The following MBNL1 variants were observed in gnomAD, a reference collection of about 807,000 sequenced individuals.
The protein encoded by MBNL1 is muscleblind like splicing regulator 1.
In MBNL1, 8 loss-of-function variants were observed where a neutral mutation model predicts 42.2. The ratio of observed to expected loss-of-function variants is 0.19; its 90% CI spans 0.11 to 0.34. MBNL1 has a LOEUF of 0.34. Ranked by LOEUF, MBNL1 falls within the 10% of genes least tolerant of loss-of-function variation. MBNL1 has a pLI of 1.00. For synonymous variants in MBNL1, 169 were observed against 173.9 expected (o/e 0.97, Z 0.22); for missense variants, 309 against 495.3 (o/e 0.62, Z 3.57).
At chr3:152,367,036 A>G (rs2096416219) in intron 2 of MBNL1, among the ~76,000 whole-genome samples, 1 of 152,104 alleles carries the variant, frequency 6.6e-6, no homozygotes, top group South Asian at 2.1e-4. Context: ...CGTAGTTTAC[A>G]TTTGGCTTTT....
At chr3:152,332,735 T>TGCGCGCGC (rs548290388) in intron 2 of MBNL1, among the ~76,000 whole-genome samples, 1 of 119,644 alleles carries the variant, frequency 8.4e-6, no homozygotes, top group Non-Finnish European at 1.8e-5. Flanking sequence ...TGTGTGTGTG[T>TGCGCGCGC]GTGTGCGCGC....
chr3:152,458,254 T>C (rs1737748100), intron 8 of MBNL1: 64 of 1,474,996 alleles, frequency 4.3e-5, no homozygotes, highest in Non-Finnish European at 6.1e-5. Flanking sequence ...TGCTGTAAAA[T>C]TGTGTAAAAA....
intron 4 of MBNL1, among the ~76,000 whole-genome samples, chr3:152,441,606 A>G (rs1333461275): frequency 6.6e-6 from 1 of 152,208 alleles, no homozygotes; most frequent in East Asian, 1.9e-4. Flanking sequence ...TCTTTTGATT[A>G]TTTAAAGTTT....
chr3:152,278,380 A>G (rs1441663695), intron 1 of MBNL1, among the ~76,000 whole-genome samples: 1 of 152,128 alleles, frequency 6.6e-6, no homozygotes, highest in Non-Finnish European at 1.5e-5. Context: ...AAAATCTTTG[A>G]TCCAGGAGTA....
chr3:152,367,311 A>C (rs1307803873), intron 2 of MBNL1, among the ~76,000 whole-genome samples: 1 of 151,924 alleles, frequency 6.6e-6, no homozygotes, highest in Non-Finnish European at 1.5e-5. Flanking sequence ...GTTTGCTGAG[A>C]ATGATGGTTT....
At chr3:152,279,958 T>G (rs571517474) in intron 1 of MBNL1, among the ~76,000 whole-genome samples, 6 of 152,150 alleles carry the variant, frequency 3.9e-5, no homozygotes, top group African/African-American at 7.2e-5. Context: ...GACCTGTCAC[T>G]TTGCTAACAA....
intron 2 of MBNL1, among the ~76,000 whole-genome samples, chr3:152,335,657 T>C (rs1022009213): frequency 6.6e-6 from 1 of 152,186 alleles, no homozygotes; most frequent in Non-Finnish European, 1.5e-5. Flanking sequence ...TATAGGATTT[T>C]AAATTATCTT....
At chr3:152,451,282 C>T (rs1722456162) in intron 6 of MBNL1, among the ~76,000 whole-genome samples, 1 of 152,074 alleles carries the variant, frequency 6.6e-6, no homozygotes, top group Admixed American at 6.6e-5. Context: ...GACAAGCCAG[C>T]CAGCTAGCTA....
At chr3:152,289,272 A>C (rs1380398480) in intron 1 of MBNL1, among the ~76,000 whole-genome samples, 2 of 152,146 alleles carry the variant, frequency 1.3e-5, no homozygotes, top group Non-Finnish European at 2.9e-5. Flanking sequence ...GTGGAGTAAT[A>C]TATAATTGTT....
At chr3:152,328,859 A>G (rs1348856546) in intron 2 of MBNL1, among the ~76,000 whole-genome samples, 1 of 152,224 alleles carries the variant, frequency 6.6e-6, no homozygotes, top group East Asian at 1.9e-4. Flanking sequence ...ACTTGAGGAA[A>G]TAGCTTAATC....
At chr3:152,265,726 CTTTATCTGAAAATGTAGTTTAT>C (rs1439395731), upstream of MBNL1, 1 of 152,110 alleles carries the variant, frequency 6.6e-6, no homozygotes, top group Non-Finnish European at 1.5e-5. Context: ...ACACTCTTTC[CTTTATCTGAAAATGTAGTTTAT>C]TTCATCTGAA....
At chr3:152,328,880 G>GA (rs1560166383) in intron 2 of MBNL1, among the ~76,000 whole-genome samples, 1 of 152,076 alleles carries the variant, frequency 6.6e-6, no homozygotes, top group East Asian at 1.9e-4. Context: ...TGAACAGCAC[G>GA]AAACTTGACA....
At chr3:152,403,543 A>G (rs2098320843) in intron 2 of MBNL1, among the ~76,000 whole-genome samples, 1 of 152,158 alleles carries the variant, frequency 6.6e-6, no homozygotes, top group Non-Finnish European at 1.5e-5. Context: ...TGATTCTAAA[A>G]ATTCTGAGAC....
chr3:152,397,506 C>A (rs1168356630), intron 2 of MBNL1, among the ~76,000 whole-genome samples: 3 of 152,128 alleles, frequency 2.0e-5, no homozygotes, highest in Non-Finnish European at 4.4e-5. Flanking sequence ...TGATTTCCAG[C>A]TTCATCCATG....
chr3:152,323,079 A>G (rs2077346651), intron 2 of MBNL1, among the ~76,000 whole-genome samples: 1 of 152,168 alleles, frequency 6.6e-6, no homozygotes, highest in Non-Finnish European at 1.5e-5. Flanking sequence ...AAACTTGTGT[A>G]GAATTTGCAT....
chr3:152,270,415 G>T (rs2040597509), intron 1 of MBNL1, among the ~76,000 whole-genome samples: 1 of 152,178 alleles, frequency 6.6e-6, no homozygotes, highest in Non-Finnish European at 1.5e-5. Flanking sequence ...TGAACACAGT[G>T]TCTGTTTATA....
intron 2 of MBNL1, among the ~76,000 whole-genome samples, chr3:152,402,544 C>T (rs1374447587): frequency 6.6e-6 from 1 of 152,122 alleles, no homozygotes; most frequent in Non-Finnish European, 1.5e-5. Context: ...GTCTCTAAGG[C>T]TTGTGTATAT....
chr3:152,314,557 T>C (rs1263608556), intron 2 of MBNL1, among the ~76,000 whole-genome samples: 1 of 152,126 alleles, frequency 6.6e-6, no homozygotes, highest in Non-Finnish European at 1.5e-5. Context: ...GTATTTTTAG[T>C]AGAGACAGAG....
intron 2 of MBNL1, among the ~76,000 whole-genome samples, chr3:152,312,438 T>C (rs879770992): frequency 6.6e-6 from 1 of 152,220 alleles, no homozygotes; most frequent in Non-Finnish European, 1.5e-5. Context: ...ATTAGAAATA[T>C]ATTTTTAGAA....
Sources: allele counts gnomAD v4.1 joint callset (sites outside exome capture counted in the v4.1 genomes callset), GRCh38; gene constraint gnomAD v4.1.1; transcripts MANE v1.5; gene names NCBI Gene and HGNC (gene_info 2026-07-23, HGNC 2026-07-21).